Variants in ANK3 observed in about 807,000 individuals in gnomAD.
ANK3 encodes the protein ankyrin 3, also known as ankyrin-3.
A neutral mutation model predicts 370.9 loss-of-function variants in ANK3; 57 were observed. The observed-to-expected ratio is 0.15, with a 90% CI of 0.12 to 0.19. The LOEUF is 0.19. Ranked by LOEUF, ANK3 falls within the 10% of genes least tolerant of loss-of-function variation. ANK3 has a pLI of 1.00. For synonymous variants in ANK3, 1,929 were observed against 1,946.3 expected (o/e 0.99, Z 0.23); for missense variants, 4,439 against 5,302.1 (o/e 0.84, Z 5.06).
In ANK3 at chr10:60,086,869, C is replaced by A. The variant is rs1406706625; in HGVS notation, c.3556G>T (p.Asp1186Tyr). Reference protein sequence around the residue: ...RVGLQAQPVPDEIVKKILGNK... With the variant: ...RVGLQAQPVPYEIVKKILGNK... ...CCAAGGATCTTTTTCACAATTTCAT[C>A]TGGAACAGGCTGGGCCTAGAGACAG... Residue 1186 changes from aspartate to tyrosine, a missense_variant, in exon 30 of 44, where the codon GAT (aspartate) becomes TAT (tyrosine). Physicochemically the swap from Asp to Tyr is radical, Grantham distance 160 (BLOSUM62 -3). Coordinates refer to ENST00000280772, the MANE Select transcript of ANK3 (RefSeq NM_020987.5). 11 of 1,611,062 alleles carry A rather than the reference C, an allele frequency of 6.8e-6. No homozygotes were observed. The highest frequency in any genetic ancestry group is 9.3e-6 in the Non-Finnish European group (11 of 1,179,580).
chr10:60,523,019 A>T (rs184604434), intron 2 of ANK3, among the ~76,000 whole-genome samples: 37 of 152,152 alleles, frequency 2.4e-4, no homozygotes, highest in Admixed American at 9.2e-4. Flanking sequence ...AGATAATGAA[A>T]AGAACACACC....
chr10:60,367,332 G>T (rs563708463), intron 1 of ANK3, among the ~76,000 whole-genome samples: 2 of 152,266 alleles, frequency 1.3e-5, no homozygotes, highest in Non-Finnish European at 2.9e-5. Flanking sequence ...TTCTCCAAGT[G>T]GGGGAACAGT....
intron 6 of ANK3, among the ~76,000 whole-genome samples, chr10:60,262,564 G>A (rs1198119646): frequency 1.3e-5 from 2 of 152,130 alleles, no homozygotes; most frequent in African/African-American, 4.8e-5. Flanking sequence ...CTTAAAAAAT[G>A]CTAAAACATG....
rs139111941 is a variant in ANK3 at position 60,186,727 on chromosome 10, G to T, written c.2073C>A (p.Asn691Lys). Residue 691 changes from asparagine to lysine, a missense_variant, in exon 17 of 44, where the codon AAC becomes AAA. Coordinates refer to ENST00000280772, the MANE Select transcript of ANK3 (RefSeq NM_020987.5). ...SLLLGRNANV[N>K]LSNKSGLTPL... Reference sequence around the variant, plus strand: ...AGAAGTGGGTTACCTTATTGCTCAGGTTCACATTCGCATTTCTACCGAGGA... The same window carrying T: ...AGAAGTGGGTTACCTTATTGCTCAGTTTCACATTCGCATTTCTACCGAGGA... The T allele has an allele frequency of 4.3e-6, 7 of 1,613,826 alleles. No homozygotes were observed. In the African/African-American group the frequency reaches 9.3e-5, roughly 22 times the overall value.
At chr10:60,638,562 A>C (rs2078586199) in intron 1 of ANK3, among the ~76,000 whole-genome samples, 1 of 152,170 alleles carries the variant, frequency 6.6e-6, no homozygotes, top group African/African-American at 2.4e-5. Flanking sequence ...TCAAAACAGA[A>C]ACAGAAATGA....
intron 2 of ANK3, among the ~76,000 whole-genome samples, chr10:60,503,806 A>G (rs751474330): frequency 6.6e-6 from 1 of 152,172 alleles, no homozygotes; most frequent in Non-Finnish European, 1.5e-5. Context: ...AAATTCCAAG[A>G]TGAGATGTTT....
At position 60,070,697 on chromosome 10, in the gene ANK3, C is replaced by A; in HGVS notation, c.10184G>T (p.Cys3395Phe). ...NGNNDQSITE[C>F]SIATTAEFSH... ...AAACTCTGCTGTGGTGGCAATGGAA[C>A]ACTCTGTGATGGACTGGTCGTTGTT... Residue 3395 changes from cysteine to phenylalanine, a missense_variant, in exon 37 of 44, where the codon TGT becomes TTT. Transcript: ENST00000280772. The surrounding 1 kb of genome is among the most constrained non-coding windows in gnomAD (Gnocchi z 5.7). The A allele has an allele frequency of 1.2e-6, 2 of 1,614,164 alleles. No homozygotes were observed. The highest frequency in any genetic ancestry group is 4.5e-5 in the East Asian group (2 of 44,878).
rs780755672 is a variant in ANK3 at position 60,070,993 on chromosome 10, A to G, written c.9888T>C (p.Ala3296=). The change falls in exon 37 of 44, where the codon GCT becomes GCC. Residue 3296 remains alanine, a synonymous_variant. Transcript: ENST00000280772. This position sits in a 1 kb window ranked among gnomAD's most constrained non-coding sequence, Gnocchi z 5.7. ...LQDEHDKYQL[A]EPVIRVQPPS... ...GTGGCTGCACTCTAATGACAGGTTC[A>G]GCCAGCTGGTACTTGTCATGCTCAT... 2 of 1,614,014 alleles carry G rather than the reference A, an allele frequency of 1.2e-6. No individual in the cohort carries two copies. Among genetic ancestry groups the G allele is most frequent in the Non-Finnish European group, 1.7e-6 (2 of 1,180,022 alleles).
intron 42 of ANK3, chr10:60,053,678 T>G: frequency 4.6e-6 from 6 of 1,303,726 alleles, no homozygotes; most frequent in Non-Finnish European, 6.1e-6. Context: ...GAATTTTACC[T>G]TATAACAGCA....
At chr10:60,485,964 A>AG (rs1254509216) in intron 2 of ANK3, among the ~76,000 whole-genome samples, 1 of 152,196 alleles carries the variant, frequency 6.6e-6, no homozygotes, top group Non-Finnish European at 1.5e-5. Context: ...GGAAAAATGA[A>AG]GGAAAAAAAG....
chr10:60,394,307 T>G (rs1429478202), upstream of ANK3, among the ~76,000 whole-genome samples: 3 of 151,918 alleles, frequency 2.0e-5, no homozygotes, highest in Non-Finnish European at 4.4e-5. Context: ...CTCATATTAT[T>G]TTTCACTTTT....
At chr10:60,459,280 C>T (rs1291342924) in intron 2 of ANK3, among the ~76,000 whole-genome samples, 1 of 152,090 alleles carries the variant, frequency 6.6e-6, no homozygotes, top group Non-Finnish European at 1.5e-5. Flanking sequence ...CTGAAAGTCA[C>T]CCACATCTGT....
intron 2 of ANK3, among the ~76,000 whole-genome samples, chr10:60,407,076 G>A (rs2063471187): frequency 6.6e-6 from 1 of 152,190 alleles, no homozygotes; most frequent in South Asian, 2.1e-4. Flanking sequence ...TCATTGAGAA[G>A]CCTGCAGATT....
chr10:60,074,030 C>A lies in ANK3; in HGVS notation c.6851G>T (p.Arg2284Leu). 6.2e-7 allele frequency: 1 copy of A among 1,614,054 alleles called. No individual in the cohort carries two copies. The highest frequency in any genetic ancestry group is 8.5e-7 in the Non-Finnish European group (1 of 1,179,994). The stretch of plus-strand genomic sequence containing the variant: ...ACCTGCCAGTTCTTTGGAAGGATCC[C>A]GCCCGGACTGAAAGGCCTTCATGAT... Reference protein sequence around the residue: ...HDIMKAFQSGRDPSKELAGLF... With the variant: ...HDIMKAFQSGLDPSKELAGLF... The change falls in exon 37 of 44, where the codon CGG (arginine) becomes CTG (leucine). Residue 2284 changes from arginine to leucine, a missense_variant. Physicochemically the swap from Arg to Leu is moderately radical, Grantham distance 102 (BLOSUM62 -2). Transcript: ENST00000280772.
At chr10:60,720,772 C>G (rs1381635423) in intron 1 of ANK3, among the ~76,000 whole-genome samples, 1 of 152,028 alleles carries the variant, frequency 6.6e-6, no homozygotes, top group East Asian at 1.9e-4. Context: ...ACCACTATGC[C>G]CTGCTAATTT....
chr10:60,468,353 GAAGA>G (rs2065057843), intron 2 of ANK3, among the ~76,000 whole-genome samples: 1 of 152,082 alleles, frequency 6.6e-6, no homozygotes, highest in Non-Finnish European at 1.5e-5. Flanking sequence ...ATAAATGTGT[GAAGA>G]AATTATGAAT....
Position 60,186,543 on chromosome 10 carries a change from C to T in ANK3, c.2085+172G>A, listed in dbSNP as rs1347329179. The T allele has an allele frequency of 8.1e-6, 6 of 745,156 alleles. No individual in the cohort carries two copies. The African/African-American group carries it at 1.0e-4, about 13-fold the overall frequency. 46.2% of individuals were successfully genotyped at this position (745,156 alleles called of 1,614,324 possible). On this transcript the variant is annotated intron_variant, in intron 17 of 43. Coordinates refer to ENST00000280772, the MANE Select transcript of ANK3 (RefSeq NM_020987.5). ...TTGACCATTTTTCTTATTGTTTAAACAGATTGTTTCCAAATTTTTGCTCTG... is the reference window on the plus strand; with the variant it reads ...TTGACCATTTTTCTTATTGTTTAAATAGATTGTTTCCAAATTTTTGCTCTG...
At chr10:60,206,777 T>G (rs540621842) in intron 10 of ANK3, among the ~76,000 whole-genome samples, 1 of 152,352 alleles carries the variant, frequency 6.6e-6, no homozygotes, top group African/African-American at 2.4e-5. Context: ...TGTCCTAAGT[T>G]GTCCTGCCTG....
chr10:60,363,839 T>C lies in ANK3; in HGVS notation c.114+25586A>G, dbSNP rs141654815. 9.5e-4 allele frequency among the ~76,000 whole-genome samples: 145 copies of C among 152,316 alleles called. 1 individual carries two copies. The highest frequency in any genetic ancestry group is 3.4e-3 in the African/African-American group (140 of 41,560). On this transcript the variant is annotated intron_variant, in intron 1 of 43. Transcript: ENST00000280772. ...AGGAAAATGGAACATATGCATATAA[T>C]GTCCTTTCTAAATCCCTTTTCTTAT...
Sources: gnomAD v4.1 joint callset for allele counts (sites outside exome capture counted in the v4.1 genomes callset) on GRCh38, gnomAD v4.1.1 for gene constraint, Gnocchi (gnomAD v3.1) non-coding constraint, MANE v1.5 for transcripts, NCBI Gene and HGNC (gene_info 2026-07-23, HGNC 2026-07-21) for gene names.